Variants in PEX16 observed in about 807,000 individuals in gnomAD.
PEX16 encodes peroxisomal biogenesis factor 16, also known as peroxin 16.
PEX16 carries 37 observed loss-of-function variants against 50.5 expected under a neutral mutation model. The ratio of observed to expected loss-of-function variants is 0.73; its 90% CI spans 0.56 to 0.96. The LOEUF is 0.96. PEX16 is among the 40% of genes least tolerant of loss of function. The pLI, the probability that PEX16 is intolerant of heterozygous loss-of-function variation, is 0.00. For missense variants in PEX16, 401 were observed against 438.3 expected, an observed-to-expected ratio of 0.91 and a Z score of 0.76; for synonymous variants, 185 against 190.3, an observed-to-expected ratio of 0.97 and a Z score of 0.23.
chr11:45,914,564 C>T (rs1181580934), intron 6 of PEX16, 40 bp downstream of exon 6: 13 of 1,612,804 alleles, frequency 8.1e-6, no homozygotes, highest in South Asian at 4.4e-5. Flanking sequence ...CCCAGGCAGA[C>T]AGCACCTAGG....
upstream of PEX16, chr11:45,918,437 G>C (rs2086863751): frequency 1.2e-5 from 2 of 171,754 alleles, no homozygotes; most frequent in South Asian, 2.3e-4. Flanking sequence ...GCAGTAAGGA[G>C]TCCAGCCCTC....
At chr11:45,914,077 G>A (rs1017071874) in intron 8 of PEX16, 54 bp downstream of exon 8, 9 of 1,575,716 alleles carry the variant, frequency 5.7e-6, no homozygotes, top group Non-Finnish European at 7.8e-6. Context: ...GTGAGGCCAG[G>A]ATTATAGCAG....
At chr11:45,916,635 T>C (rs1255759358) in intron 2 of PEX16, among the ~76,000 whole-genome samples, 1 of 152,178 alleles carries the variant, frequency 6.6e-6, no homozygotes, top group Non-Finnish European at 1.5e-5. Flanking sequence ...GCCCTTTCTC[T>C]CTTGGCAGCC....
chr11:45,914,545 T>G, intron 6 of PEX16, 59 bp downstream of exon 6: 1 of 1,610,904 alleles, frequency 6.2e-7, no homozygotes, highest in Non-Finnish European at 8.5e-7. Flanking sequence ...CCAAAGCCAG[T>G]CCCTCAAGCC....
chr11:45,910,986 G>A (rs776760320), intron 9 of PEX16, 24 bp from the exon 10 acceptor site: 1 of 1,591,404 alleles, frequency 6.3e-7, no homozygotes, highest in Admixed American at 1.7e-5. Flanking sequence ...TAAATGGGGA[G>A]CAAGCTGAGT....
chr11:45,916,086 C>T, intron 3 of PEX16, 141 bp downstream of exon 3: 1 of 801,590 alleles, frequency 1.2e-6, no homozygotes, highest in Non-Finnish European at 2.2e-6. Context: ...TTACAGGTCA[C>T]CTAATGAGAT....
At chr11:45,912,790 T>C (rs920337419) in intron 9 of PEX16, among the ~76,000 whole-genome samples, 10 of 151,736 alleles carry the variant, frequency 6.6e-5, no homozygotes, top group Non-Finnish European at 1.0e-4. Context: ...GTGTGAGGCA[T>C]CGTGCCTGGC....
intron 4 of PEX16, 41 bp from the exon 5 acceptor site, chr11:45,915,609 G>T: frequency 6.2e-7 from 1 of 1,612,658 alleles, no homozygotes; most frequent in Non-Finnish European, 8.5e-7. Context: ...GAGGTGGCTA[G>T]CCGGCGGGAG....
intron 5 of PEX16, among the ~76,000 whole-genome samples, 200 bp downstream of exon 5, chr11:45,915,268 C>T (rs1046822893): frequency 1.3e-5 from 2 of 152,242 alleles, no homozygotes; most frequent in African/African-American, 4.8e-5. Context: ...CTGGCCATGA[C>T]AAGTACTGGG....
Position 45,917,862 on chromosome 11 carries a change from G to A in PEX16, c.-51C>T, listed in dbSNP as rs1173432344. 2 of 1,329,540 alleles carry A rather than the reference G, an allele frequency of 1.5e-6. No individual in the cohort carries two copies. Among genetic ancestry groups the A allele is most frequent in the Non-Finnish European group, 2.1e-6 (2 of 959,442 alleles). 82.4% of individuals were successfully genotyped at this position (1,329,540 alleles called of 1,614,324 possible). On this transcript the variant is annotated 5_prime_UTR_variant, in exon 1 of 11. Coordinates refer to ENST00000378750, the MANE Select transcript of PEX16 (RefSeq NM_004813.4). ...CAGAAGGACCGTACGACAGGCTGCGGCGCCCTGCTTCCTGCGCCCTCCTTC... is the reference window on the plus strand; with the variant it reads ...CAGAAGGACCGTACGACAGGCTGCGACGCCCTGCTTCCTGCGCCCTCCTTC...
intron 2 of PEX16, chr11:45,917,197 A>C (rs544635644): frequency 1.4e-6 from 1 of 696,808 alleles, no homozygotes; most frequent in East Asian, 2.7e-5. Context: ...AGGGAGGATT[A>C]ACAAGTAAAG....
In PEX16 at chr11:45,912,968, G is replaced by A. The variant is rs555590836; in HGVS notation, c.887+851C>T. ...TCCTGAGTAGCTAGGACTTACAGGCGCACACCACCATGTCTGGCTAATTAT... is the reference window on the plus strand; with the variant it reads ...TCCTGAGTAGCTAGGACTTACAGGCACACACCACCATGTCTGGCTAATTAT... On this transcript the variant is annotated intron_variant, in intron 9 of 10. Transcript: ENST00000378750. Among the ~76,000 whole-genome samples the A allele has an allele frequency of 4.3e-3, 658 of 151,530 alleles. 5 individuals carry two copies. The highest frequency in any genetic ancestry group is 0.015 in the African/African-American group (630 of 41,308).
chr11:45,917,497 G>A lies in PEX16; in HGVS notation c.113-4C>T, dbSNP rs199760503. 7.4e-6 allele frequency: 12 copies of A among 1,614,056 alleles called. No homozygotes were observed. In the African/African-American group the frequency reaches 1.5e-4, roughly 20 times the overall value. On this transcript the variant is annotated splice_region_variant and splice_polypyrimidine_tract_variant and intron_variant, in intron 1 of 10. Transcript: ENST00000378750. Reference sequence around the variant, plus strand: ...TCGTGCGAATCGGCGAATCGACCTGGGGAGAGGGTACAGAAGGAGGTGTGA... The same window carrying A: ...TCGTGCGAATCGGCGAATCGACCTGAGGAGAGGGTACAGAAGGAGGTGTGA...
At chr11:45,917,365 A>C (rs1232503972) in intron 2 of PEX16, 93 bp downstream of exon 2, 2 of 1,152,064 alleles carry the variant, frequency 1.7e-6, no homozygotes, top group African/African-American at 3.0e-5. Flanking sequence ...CGGGCAGCCC[A>C]GGTCCTCGGG....
upstream of PEX16, chr11:45,918,048 C>A (rs2086859387): frequency 1.7e-6 from 1 of 593,968 alleles, no homozygotes; most frequent in Admixed American, 2.7e-5. Flanking sequence ...CCCCCTACTC[C>A]CTCAAGTCAT....
chr11:45,910,613 C>A (rs1370468056), intron 10 of PEX16, among the ~76,000 whole-genome samples: 1 of 152,158 alleles, frequency 6.6e-6, no homozygotes, highest in Non-Finnish European at 1.5e-5. Flanking sequence ...GCCATTGAAT[C>A]CCCCCAAGAT....
intron 7 of PEX16, 34 bp from the exon 8 acceptor site, chr11:45,914,237 CAG>C (rs2086808273): frequency 1.4e-5 from 22 of 1,613,472 alleles, no homozygotes; most frequent in Non-Finnish European, 1.8e-5. Flanking sequence ...GTCTCCAGCA[CAG>C]GGGCCTTGCT....
At chr11:45,912,567 G>C (rs1448426786) in intron 9 of PEX16, among the ~76,000 whole-genome samples, 1 of 152,088 alleles carries the variant, frequency 6.6e-6, no homozygotes, top group South Asian at 2.1e-4. Flanking sequence ...GCAGTCGCGC[G>C]ATCTCGACTC....
Position 45,916,254 on chromosome 11 carries a change from C to A in PEX16, c.198G>T (p.Arg66=). 1 of 1,614,024 alleles carries A rather than the reference C, an allele frequency of 6.2e-7. No individual in the cohort carries two copies. Among genetic ancestry groups the A allele is most frequent in the South Asian group, 1.1e-5 (1 of 91,080 alleles). ...CAGGCAACTTTTTCCGAAGCTCCTT[C>A]CGTAGGATCCCGTCATTGAGCAGCA... The part of the protein sequence containing the change: ...LLVLLNDGIL[R]KELRKKLPVS... The change falls in exon 3 of 11, where the codon CGG becomes CGT. Residue 66 remains arginine, a synonymous_variant. Coordinates refer to ENST00000378750, the MANE Select transcript of PEX16 (RefSeq NM_004813.4).
Sources: gnomAD v4.1 joint callset for allele counts (sites outside exome capture counted in the v4.1 genomes callset) on GRCh38, gnomAD v4.1.1 for gene constraint, MANE v1.5 for transcripts, NCBI Gene and HGNC (gene_info 2026-07-23, HGNC 2026-07-21) for gene names.